The following TOP1 variants were observed in gnomAD, a reference collection of about 807,000 sequenced individuals.
TOP1 encodes the protein DNA topoisomerase 1.
TOP1 carries 10 observed loss-of-function variants against 111.1 expected under a neutral mutation model. The observed-to-expected ratio is 0.09, with a 90% CI of 0.06 to 0.15. TOP1 has a LOEUF of 0.15. Among genes scored for constraint, TOP1 ranks in the 10% least tolerant of loss-of-function variants. The pLI is 1.00. For synonymous variants in TOP1, 271 were observed against 302.9 expected, an observed-to-expected ratio of 0.89 and a Z score of 1.10; for missense variants, 474 against 926.7, an observed-to-expected ratio of 0.51 and a Z score of 6.34.
chr20:41,066,962 A>G (rs1056632215), intron 3 of TOP1, among the ~76,000 whole-genome samples: 3 of 152,182 alleles, frequency 2.0e-5, no homozygotes, highest in Admixed American at 6.5e-5. Flanking sequence ...TGACATGACT[A>G]AATCTAGCCC....
chr20:41,115,646 G>A lies in TOP1; in HGVS notation c.1707+207G>A, dbSNP rs1438021117. Among the ~76,000 whole-genome samples the A allele has an allele frequency of 1.3e-5, 2 of 152,190 alleles. No individual in the cohort carries two copies. Among genetic ancestry groups the A allele is most frequent in the African/African-American group, 2.4e-5 (1 of 41,450 alleles). ...CATCTGCTGCAGAACAACTGCTAAA[G>A]CACTCAGGGTGGGGGGTAGATGAGC... On this transcript the variant is annotated intron_variant, in intron 16 of 20. Coordinates refer to ENST00000361337, the MANE Select transcript of TOP1 (RefSeq NM_003286.4). This position sits in a 1 kb window ranked among gnomAD's most constrained non-coding sequence, Gnocchi z 6.3.
rs2034012330 is a variant in TOP1, at chr20:41,098,451, A to G, written c.975+114A>G. The G allele has an allele frequency of 5.0e-6, 6 of 1,204,024 alleles. No homozygotes were observed. In the South Asian group the frequency reaches 7.5e-5, roughly 15 times the overall value. 74.6% of individuals were successfully genotyped at this position (1,204,024 alleles called of 1,614,324 possible). On this transcript the variant is annotated intron_variant, in intron 11 of 20. Transcript: ENST00000361337. The surrounding 1 kb of genome is among the most constrained non-coding windows in gnomAD (Gnocchi z 5.7). ...AACATCAGTAATTTCACATCATTCT[A>G]TGCTAAAGACTTAGAGTTCTCAAAG...
chr20:41,093,780 G>A (rs1184445129), intron 9 of TOP1, among the ~76,000 whole-genome samples: 1 of 152,228 alleles, frequency 6.6e-6, no homozygotes, highest in Non-Finnish European at 1.5e-5. Context: ...CCCACCAGTA[G>A]TGGCCTTAGG....
At position 41,114,380 on chromosome 20, in the gene TOP1, TA is replaced by T. The variant is rs2034295366; in HGVS notation, c.1638+226del. ...AGTGTGCTGTGATCACACCTGTGAA[TA>T]GCCACTGTACTCCAGCCTGGGCAAA... On this transcript the variant is annotated intron_variant, in intron 15 of 20. Coordinates refer to ENST00000361337, the MANE Select transcript of TOP1 (RefSeq NM_003286.4). This position sits in a 1 kb window ranked among gnomAD's most constrained non-coding sequence, Gnocchi z 4.5. Among the ~76,000 whole-genome samples, 2 of 152,232 alleles carry T rather than the reference TA, an allele frequency of 1.3e-5. No individual in the cohort carries two copies. Among genetic ancestry groups the T allele is most frequent in the Non-Finnish European group, 2.9e-5 (2 of 68,024 alleles).
At chr20:41,103,850 A>G (rs993435791) in intron 13 of TOP1, among the ~76,000 whole-genome samples, 2 of 151,610 alleles carry the variant, frequency 1.3e-5, no homozygotes, top group African/African-American at 4.8e-5. Context: ...TGTAAATCTC[A>G]TCTTAAATGT....
chr20:41,054,378 T>G (rs1260226546), intron 2 of TOP1, among the ~76,000 whole-genome samples: 1 of 149,990 alleles, frequency 6.7e-6, no homozygotes, highest in African/African-American at 2.4e-5. Flanking sequence ...TTGCTTCCCC[T>G]TCCACCATGA....
Position 41,115,065 on chromosome 20 carries a change from TTAGGACCATATTATAAGTAAG to T in TOP1, c.1639-303_1639-283del, listed in dbSNP as rs2034307075. 6.6e-6 allele frequency among the ~76,000 whole-genome samples: 1 copy of T among 152,218 alleles called. No individual in the cohort carries two copies. Among genetic ancestry groups the T allele is most frequent in the South Asian group, 2.1e-4 (1 of 4,834 alleles). ...ATAAGTAAGTACTTATAAATGTACTTTAGGACCATATTATAAGTAAGTACTTATAAATGTACTTTAGGACCA... is the reference window on the plus strand; with the variant it reads ...ATAAGTAAGTACTTATAAATGTACTTTACTTATAAATGTACTTTAGGACCA... On this transcript the variant is annotated intron_variant, in intron 15 of 20. Transcript: ENST00000361337. This position sits in a 1 kb window ranked among gnomAD's most constrained non-coding sequence, Gnocchi z 6.3.
chr20:41,088,987 T>C lies in TOP1; in HGVS notation c.615-3485T>C, dbSNP rs116610003. ...TTGCAAAACTGAAACTCTGTAGTTA[T>C]TAACAATTCCCCACTTCTCTGTTGC... On this transcript the variant is annotated intron_variant, in intron 8 of 20. Coordinates refer to ENST00000361337, the MANE Select transcript of TOP1 (RefSeq NM_003286.4). Among the ~76,000 whole-genome samples, 1,082 of 150,530 alleles carry C rather than the reference T, an allele frequency of 7.2e-3. 9 individuals carry two copies. Among genetic ancestry groups the C allele is most frequent in the African/African-American group, 0.025 (1,019 of 40,946 alleles).
In TOP1 at chr20:41,109,786, AT is replaced by A. The variant is rs1482663011; in HGVS notation, c.1309-2991del. 1.3e-5 allele frequency among the ~76,000 whole-genome samples: 2 copies of A among 152,210 alleles called. No homozygotes were observed. Among genetic ancestry groups the A allele is most frequent in the Non-Finnish European group, 2.9e-5 (2 of 68,036 alleles). On this transcript the variant is annotated intron_variant, in intron 13 of 20. Transcript: ENST00000361337. The surrounding 1 kb of genome is among the most constrained non-coding windows in gnomAD (Gnocchi z 4.1). Reference sequence around the variant, plus strand: ...GGAGATACGAATTCCAGTTCTAGGTATTTTTACCTCAAGTGAAATAAAAACA... The same window carrying A: ...GGAGATACGAATTCCAGTTCTAGGTATTTTACCTCAAGTGAAATAAAAACA...
chr20:41,105,220 T>C (rs1197725823), intron 13 of TOP1, among the ~76,000 whole-genome samples: 2 of 152,230 alleles, frequency 1.3e-5, no homozygotes, highest in Admixed American at 6.5e-5. Flanking sequence ...TTTTACAATA[T>C]GTAACACACT....
At chr20:41,076,718 A>G (rs140596678) in intron 4 of TOP1, among the ~76,000 whole-genome samples, 36 of 152,328 alleles carry the variant, frequency 2.4e-4, no homozygotes, top group Middle Eastern at 6.8e-3. Context: ...CCAGCTGAGA[A>G]TGAATAGTAC....
intron 3 of TOP1, among the ~76,000 whole-genome samples, chr20:41,063,377 T>G: frequency 6.6e-6 from 1 of 152,214 alleles, no homozygotes; most frequent in East Asian, 1.9e-4. Context: ...TCTTCCCTAT[T>G]GAGAACAGAG....
At chr20:41,048,060 A>G (rs939499956) in intron 2 of TOP1, among the ~76,000 whole-genome samples, 4 of 151,626 alleles carry the variant, frequency 2.6e-5, no homozygotes, top group African/African-American at 9.7e-5. Context: ...TTCTTCCTCA[A>G]TTGTAGAGAC....
chr20:41,077,695 C>T (rs1477345641), intron 5 of TOP1, 58 bp downstream of exon 5: 2 of 1,523,532 alleles, frequency 1.3e-6, no homozygotes, highest in Middle Eastern at 1.7e-4. Context: ...AGGCCAGCTG[C>T]CTGTGTTGTA....
At position 41,061,476 on chromosome 20, in the gene TOP1, C is replaced by G. The variant is rs755120140; in HGVS notation, c.141C>G (p.Ser47=). 1 of 1,599,884 alleles carries G rather than the reference C, an allele frequency of 6.3e-7. No homozygotes were observed. The highest frequency in any genetic ancestry group is 8.5e-7 in the Non-Finnish European group (1 of 1,171,908). The part of the protein sequence containing the change: ...EHKKEKDREK[S]KHSNSEHKDS... ...AGAAGGAGAAGGACCGGGAAAAGTC[C>G]AAGCATAGCAACAGGTAAGGGTGGA... is the stretch of plus-strand genomic sequence containing the variant. The change falls in exon 3 of 21, where the codon TCC becomes TCG. Residue 47 remains serine (S), a synonymous_variant. Transcript: ENST00000361337. The surrounding 1 kb of genome is among the most constrained non-coding windows in gnomAD (Gnocchi z 4.6).
chr20:41,061,248 A>T lies in TOP1; in HGVS notation c.59-146A>T. ...GGAGCTTTGTCTGGGCTTCTTTGTG[A>T]AAGCTTTTTTTTTCAGTGGCATGTG... On this transcript the variant is annotated intron_variant, in intron 2 of 20. Coordinates refer to ENST00000361337, the MANE Select transcript of TOP1 (RefSeq NM_003286.4). The surrounding 1 kb of genome is among the most constrained non-coding windows in gnomAD (Gnocchi z 4.6). 1.4e-6 allele frequency: 1 copy of T among 699,562 alleles called. No homozygotes were observed. The highest frequency in any genetic ancestry group is 2.3e-6 in the Non-Finnish European group (1 of 433,368). 43.3% of individuals were successfully genotyped at this position (699,562 alleles called of 1,614,324 possible). A position where few individuals can be genotyped will look rare whatever the true frequency, so the allele number is the denominator to read the frequency against.
chr20:41,067,439 A>G lies in TOP1; in HGVS notation c.155+5949A>G, dbSNP rs2033622124. On this transcript the variant is annotated intron_variant, in intron 3 of 20. Transcript: ENST00000361337. This position sits in a 1 kb window ranked among gnomAD's most constrained non-coding sequence, Gnocchi z 4.0. ...CGGCCTCCAGTAAAATTTTATATAC[A>G]CTGTGATCCTTTTAAAGTACCTCTG... Among the ~76,000 whole-genome samples, 1 of 152,082 alleles carries G rather than the reference A, an allele frequency of 6.6e-6. No individual in the cohort carries two copies. The highest frequency in any genetic ancestry group is 2.1e-4 in the South Asian group (1 of 4,828).
intron 8 of TOP1, among the ~76,000 whole-genome samples, chr20:41,084,970 G>T (rs139881675): frequency 1.8e-3 from 274 of 152,182 alleles, no homozygotes; most frequent in African/African-American, 6.4e-3. Context: ...TTATAATTGT[G>T]CAGTAGTGAA....
chr20:41,123,853 T>G lies in TOP1; in HGVS notation c.*556T>G. On this transcript the variant is annotated 3_prime_UTR_variant, in exon 21 of 21. Coordinates refer to ENST00000361337, the MANE Select transcript of TOP1 (RefSeq NM_003286.4). This position sits in a 1 kb window ranked among gnomAD's most constrained non-coding sequence, Gnocchi z 5.8. ...TCATTAAACTTGAAGCAGTCGTGGC[T>G]TTGGCAGTGTTTTGGTTCAGACACC... The G allele has an allele frequency of 4.3e-6, 1 of 232,752 alleles. No homozygotes were observed. The allele number at this position is 232,752 out of a possible 1,614,324, so 14.4% of individuals were successfully genotyped here.
Sources: gnomAD v4.1 joint callset for allele counts (sites outside exome capture counted in the v4.1 genomes callset) on GRCh38, gnomAD v4.1.1 for gene constraint, Gnocchi (gnomAD v3.1) non-coding constraint, MANE v1.5 for transcripts, NCBI Gene and HGNC (gene_info 2026-07-23, HGNC 2026-07-21) for gene names.